The following GRID2 variants were observed in gnomAD, a reference collection of about 807,000 sequenced individuals.
The protein encoded by GRID2 is glutamate receptor ionotropic, delta-2.
In GRID2, 33 loss-of-function variants were observed where a neutral mutation model predicts 114.8. That is an observed-to-expected ratio of 0.29 (90% CI 0.22 to 0.38). The LOEUF (loss-of-function observed/expected upper bound fraction) is 0.38, where lower values mean the gene tolerates loss of function less well. Ranked by LOEUF, GRID2 falls within the 10% of genes least tolerant of loss-of-function variation. The probability of loss-of-function intolerance (pLI) is 1.00; values close to 1 mark genes in which losing one functional copy is unlikely to be tolerated. For missense variants in GRID2, 1,184 were observed against 1,257.7 expected (o/e 0.94, Z 0.89); for synonymous variants, 505 against 449.9 (o/e 1.12, Z -1.55).
intron 14 of GRID2, among the ~76,000 whole-genome samples, chr4:93,716,746 A>G (rs1188340195): frequency 4.6e-5 from 7 of 152,204 alleles, no homozygotes; most frequent in South Asian, 4.1e-4. Flanking sequence ...CACTAATACT[A>G]GTCATTCTAG....
chr4:92,489,783 T>C (rs1183695129), intron 1 of GRID2, among the ~76,000 whole-genome samples: 1 of 151,694 alleles, frequency 6.6e-6, no homozygotes, highest in Non-Finnish European at 1.5e-5. Flanking sequence ...GAGCTGGAAG[T>C]TGCAGTGAGC....
chr4:93,565,249 A>G (rs1213887689), intron 13 of GRID2, among the ~76,000 whole-genome samples: 1 of 152,132 alleles, frequency 6.6e-6, no homozygotes, highest in African/African-American at 2.4e-5. Flanking sequence ...AATACACCAC[A>G]CACATGAGAT....
At chr4:92,976,445 G>A (rs1467100730) in intron 2 of GRID2, among the ~76,000 whole-genome samples, 1 of 152,048 alleles carries the variant, frequency 6.6e-6, no homozygotes, top group Non-Finnish European at 1.5e-5. Flanking sequence ...AACCTGTGCT[G>A]TGTGTGTTCT....
intron 2 of GRID2, among the ~76,000 whole-genome samples, chr4:92,733,547 T>C (rs949187260): frequency 4.6e-5 from 7 of 152,076 alleles, no homozygotes; most frequent in Non-Finnish European, 7.4e-5. Flanking sequence ...GAAGCCTCTG[T>C]TTTCCTCTGG....
chr4:93,254,150 T>C (rs1749300503), intron 8 of GRID2, among the ~76,000 whole-genome samples: 2 of 152,044 alleles, frequency 1.3e-5, no homozygotes, highest in Admixed American at 1.3e-4. Context: ...ATCATAGTAA[T>C]TCAGGTGCAA....
intron 1 of GRID2, among the ~76,000 whole-genome samples, chr4:92,332,086 C>T (rs762978026): frequency 1.7e-4 from 26 of 152,108 alleles, no homozygotes; most frequent in Admixed American, 3.3e-4. Context: ...CTTGAACACA[C>T]GTTTACCCAT....
At chr4:92,792,894 T>A (rs894348796) in intron 2 of GRID2, among the ~76,000 whole-genome samples, 2 of 73,176 alleles carry the variant, frequency 2.7e-5, no homozygotes, top group Admixed American at 2.5e-4. Flanking sequence ...ATAATATCCA[T>A]TTTTTTTTTT....
At chr4:93,120,729 G>A (rs1733706914) in intron 4 of GRID2, among the ~76,000 whole-genome samples, 1 of 152,080 alleles carries the variant, frequency 6.6e-6, no homozygotes, top group South Asian at 2.1e-4. Context: ...TGAGGCGGGT[G>A]GATCATGAGG....
downstream of GRID2, among the ~76,000 whole-genome samples, chr4:93,777,337 T>C (rs1734389059): frequency 6.6e-6 from 1 of 152,226 alleles, no homozygotes; most frequent in African/African-American, 2.4e-5. Context: ...CCATGTAACA[T>C]TGATGACAAA....
intron 8 of GRID2, chr4:93,318,564 G>C (rs1424623015): frequency 6.6e-6 from 1 of 152,042 alleles, no homozygotes; most frequent in Non-Finnish European, 1.5e-5. Context: ...AAGCCAAAGG[G>C]AGCATAACTG....
chr4:93,281,446 G>A (rs891959333), intron 8 of GRID2, among the ~76,000 whole-genome samples: 1 of 151,958 alleles, frequency 6.6e-6, no homozygotes, highest in African/African-American at 2.4e-5. Context: ...ATTTTAAAAT[G>A]TCGACTTTAA....
intron 2 of GRID2, among the ~76,000 whole-genome samples, chr4:92,943,555 G>T (rs544524721): frequency 2.0e-5 from 3 of 151,766 alleles, no homozygotes; most frequent in African/African-American, 7.3e-5. Context: ...TAGTTTGATC[G>T]TCTGAAGCCT....
At chr4:93,255,796 G>C (rs879855209) in intron 8 of GRID2, among the ~76,000 whole-genome samples, 20 of 151,990 alleles carry the variant, frequency 1.3e-4, no homozygotes, top group Non-Finnish European at 2.2e-4. Context: ...GAACTTCCCA[G>C]ACTAAGGAAC....
chr4:92,915,297 A>AT (rs1364671770), intron 2 of GRID2, among the ~76,000 whole-genome samples: 1 of 152,102 alleles, frequency 6.6e-6, no homozygotes, highest in East Asian at 1.9e-4. Context: ...TAGTTCTACC[A>AT]TTTTTGTTGT....
intron 2 of GRID2, among the ~76,000 whole-genome samples, chr4:93,055,645 A>ATTTCAGGT: frequency 6.6e-6 from 1 of 151,996 alleles, no homozygotes; most frequent in African/African-American, 2.4e-5. Flanking sequence ...CATTTGACTT[A>ATTTCAGGT]AAACAACCTG....
At chr4:92,461,522 T>G (rs1316621921) in intron 1 of GRID2, among the ~76,000 whole-genome samples, 1 of 151,998 alleles carries the variant, frequency 6.6e-6, no homozygotes, top group Non-Finnish European at 1.5e-5. Context: ...ATCTTTCTCA[T>G]AAGAACTCAG....
chr4:93,701,676 C>T (rs1727520140), intron 14 of GRID2, among the ~76,000 whole-genome samples: 1 of 151,922 alleles, frequency 6.6e-6, no homozygotes, highest in African/African-American at 2.4e-5. Context: ...ATAAAAACTC[C>T]TCAATGGATG....
intron 4 of GRID2, among the ~76,000 whole-genome samples, chr4:93,152,229 T>C (rs1447221999): frequency 2.0e-5 from 3 of 152,164 alleles, no homozygotes; most frequent in Non-Finnish European, 4.4e-5. Context: ...ATTTTCCTTA[T>C]GGACTATCTA....
chr4:93,038,303 G>T (rs1413535492), intron 2 of GRID2, among the ~76,000 whole-genome samples: 1 of 152,022 alleles, frequency 6.6e-6, no homozygotes, highest in South Asian at 2.1e-4. Flanking sequence ...TTTGCACATT[G>T]ATTTTGTATT....
Sources: allele counts gnomAD v4.1 joint callset (sites outside exome capture counted in the v4.1 genomes callset), GRCh38; gene constraint gnomAD v4.1.1; transcripts MANE v1.5; gene names NCBI Gene and HGNC (gene_info 2026-07-23, HGNC 2026-07-21).